The following PCDHA4 variants were observed in gnomAD, a reference collection of about 807,000 sequenced individuals.
PCDHA4 encodes the protein protocadherin alpha 4.
PCDHA4 carries 49 observed loss-of-function variants against 61.4 expected under a neutral mutation model. The observed-to-expected ratio is 0.80, with a 90% confidence interval of 0.63 to 1.01. PCDHA4 has a LOEUF of 1.01. Ranked by LOEUF, PCDHA4 falls within the 50% of genes least tolerant of loss-of-function variation. PCDHA4 has a pLI of 0.00. For missense variants in PCDHA4, 1,254 were observed against 1,235.8 expected (o/e 1.01, Z -0.22); for synonymous variants, 590 against 550.3 (o/e 1.07, Z -1.01).
In PCDHA4 at chr5:140,823,487, G is replaced by C. The variant is rs150930880; in HGVS notation, c.2385+13915G>C. The C allele has an allele frequency of 9.5e-5, 154 of 1,613,262 alleles. No homozygotes were observed. In the African/African-American group the frequency reaches 1.7e-3, roughly 18 times the overall value. On this transcript the variant is annotated intron_variant, in intron 1 of 3. Transcript: ENST00000530339. ...GCGCTGCTGGTGCCTCGAGTGGGTG[G>C]CACCGGCGGCGCAGTGAGCGAGCTG...
chr5:140,904,502 G>T (rs1554191560), intron 1 of PCDHA4, among the ~76,000 whole-genome samples: 2 of 151,770 alleles, frequency 1.3e-5, no homozygotes, highest in African/African-American at 4.8e-5. Flanking sequence ...TTTTACAATT[G>T]TGAATTGTGC....
At chr5:140,959,935 T>C (rs2095518080) in intron 1 of PCDHA4, among the ~76,000 whole-genome samples, 2 of 152,178 alleles carry the variant, frequency 1.3e-5, no homozygotes, top group African/African-American at 4.8e-5. Context: ...CCCCATTACT[T>C]AGGCAGAATA....
At chr5:140,836,095 G>C (rs2150252666) in intron 1 of PCDHA4, 6 of 1,613,694 alleles carry the variant, frequency 3.7e-6, no homozygotes, top group Non-Finnish European at 5.1e-6. Flanking sequence ...CCTCGGGTGG[G>C]TGGCACTGGT....
intron 1 of PCDHA4, among the ~76,000 whole-genome samples, chr5:140,903,450 T>A (rs2070311741): frequency 2.6e-5 from 4 of 152,202 alleles, no homozygotes; most frequent in Admixed American, 1.3e-4. Flanking sequence ...ATTCATCTGA[T>A]CAAACTTAAA....
chr5:140,862,825 C>G (rs782012901), intron 1 of PCDHA4: 2 of 572,056 alleles, frequency 3.5e-6, no homozygotes, highest in South Asian at 2.7e-5. Flanking sequence ...GGTGAGAGCG[C>G]GCGACGCGGG....
At chr5:140,928,307 C>T in intron 1 of PCDHA4, 1 of 1,614,150 alleles carries the variant, frequency 6.2e-7, no homozygotes, top group Non-Finnish European at 8.5e-7. Context: ...GCCCAGGACC[C>T]CGACCTGGGG....
rs554450758 is a variant in PCDHA4, at chr5:140,895,787, C to T, written c.2386-83162C>T. On this transcript the variant is annotated intron_variant, in intron 1 of 3. Coordinates refer to ENST00000530339, the MANE Select transcript of PCDHA4 (RefSeq NM_018907.4). ...TTTATGGCTGCATAGTATTCAATGA[C>T]GTATATGTACAATACTGTATTGTAT... 8.5e-5 allele frequency among the ~76,000 whole-genome samples: 13 copies of T among 152,124 alleles called. No homozygotes were observed. The South Asian group carries it at 2.1e-3, about 24-fold the overall frequency.
intron 1 of PCDHA4, chr5:140,966,488 C>T: frequency 2.3e-6 from 1 of 440,248 alleles, no homozygotes; most frequent in Non-Finnish European, 3.9e-6. Flanking sequence ...TTTCCCTCCC[C>T]CTGGAGCTGT....
At chr5:140,922,437 T>C (rs1462386336) in intron 1 of PCDHA4, among the ~76,000 whole-genome samples, 1 of 152,194 alleles carries the variant, frequency 6.6e-6, no homozygotes, top group African/African-American at 2.4e-5. Flanking sequence ...GGCAGAACTC[T>C]CTCATTATCC....
At chr5:140,968,756 G>T in intron 1 of PCDHA4, 1 of 1,614,202 alleles carries the variant, frequency 6.2e-7, no homozygotes, top group Non-Finnish European at 8.5e-7. Flanking sequence ...GGTGGTCCGA[G>T]ATAATGGAGA....
Position 140,809,492 on chromosome 5 carries a change from C to T in PCDHA4, c.2305C>T (p.Leu769Phe). ...TGGTGAGGGCCCACCCAAGACCGAC[C>T]TCATGGCCTTCAGCCCCAGTTTACC... ...CSGEGPPKTDLMAFSPSLPDS... is the reference protein window; with the variant it reads ...CSGEGPPKTDFMAFSPSLPDS... Residue 769 changes from leucine (L) to phenylalanine (F), a missense_variant, in exon 1 of 4, where the codon CTC (leucine) becomes TTC (phenylalanine). Physicochemically the swap from Leu to Phe is conservative, Grantham distance 22. Coordinates refer to ENST00000530339, the MANE Select transcript of PCDHA4 (RefSeq NM_018907.4). 1 of 1,614,240 alleles carries T rather than the reference C, an allele frequency of 6.2e-7. No homozygotes were observed. The highest frequency in any genetic ancestry group is 8.5e-7 in the Non-Finnish European group (1 of 1,180,042).
intron 1 of PCDHA4, among the ~76,000 whole-genome samples, chr5:140,902,368 A>G (rs1554190412): frequency 6.6e-6 from 1 of 151,696 alleles, no homozygotes; most frequent in Admixed American, 6.6e-5. Flanking sequence ...TCTCTTGTCT[A>G]ATTGCTCTAG....
In PCDHA4 at chr5:140,808,454, C is replaced by A. The variant is rs782570113; in HGVS notation, c.1267C>A (p.Leu423Met). ...CCGCGAGAGCGTGTCAGCCTATGAGCTGGTGGTGACCGCGCGAGACGGGGG... is the reference window on the plus strand; with the variant it reads ...CCGCGAGAGCGTGTCAGCCTATGAGATGGTGGTGACCGCGCGAGACGGGGG... The part of the protein sequence containing the change: ...LDRESVSAYE[L>M]VVTARDGGSP... Residue 423 changes from leucine to methionine, a missense_variant, in exon 1 of 4, where the codon CTG (leucine) becomes ATG (methionine). Leu to Met is a conservative substitution (Grantham distance 15). Coordinates refer to ENST00000530339, the MANE Select transcript of PCDHA4 (RefSeq NM_018907.4). 1.2e-6 allele frequency: 2 copies of A among 1,614,202 alleles called. No individual in the cohort carries two copies. Among genetic ancestry groups the A allele is most frequent in the Non-Finnish European group, 1.7e-6 (2 of 1,180,046 alleles).
rs1554263543 is a variant in PCDHA4, at chr5:141,011,545, G to A, written c.*1608G>A. 1 of 153,624 alleles carries A rather than the reference G, an allele frequency of 6.5e-6. No individual in the cohort carries two copies. Among genetic ancestry groups the A allele is most frequent in the Non-Finnish European group, 1.5e-5 (1 of 68,004 alleles). 9.5% of individuals were successfully genotyped at this position (153,624 alleles called of 1,614,324 possible). A position where few individuals can be genotyped will look rare whatever the true frequency, so the allele number is the denominator to read the frequency against. Reference sequence around the variant, plus strand: ...TTAACCATTGTTAATCAGCTTTTGTGTATGAAAGACACAGTAAAATTTCTT... The same window carrying A: ...TTAACCATTGTTAATCAGCTTTTGTATATGAAAGACACAGTAAAATTTCTT... On this transcript the variant is annotated 3_prime_UTR_variant, in exon 4 of 4. Coordinates refer to ENST00000530339, the MANE Select transcript of PCDHA4 (RefSeq NM_018907.4).
chr5:140,915,626 G>GTCCC (rs1554196996), intron 1 of PCDHA4, among the ~76,000 whole-genome samples: 2 of 146,436 alleles, frequency 1.4e-5, no homozygotes, highest in Non-Finnish European at 3.0e-5. Flanking sequence ...GTCTCTTTCT[G>GTCCC]TCTCTCTCTC....
intron 1 of PCDHA4, chr5:140,876,542 T>C (rs782388773): frequency 5.0e-6 from 8 of 1,614,194 alleles, no homozygotes; most frequent in Non-Finnish European, 5.9e-6. Flanking sequence ...TCACTGTCGC[T>C]CCCTGTGCAA....
chr5:140,823,264 C>T (rs1052475502), intron 1 of PCDHA4: 1 of 1,612,910 alleles, frequency 6.2e-7, no homozygotes, highest in Non-Finnish European at 8.5e-7. Flanking sequence ...GGTGGAGCGG[C>T]GGGTGGGCGA....
intron 1 of PCDHA4, chr5:140,863,620 A>G (rs2048096081): frequency 3.1e-6 from 1 of 322,758 alleles, no homozygotes; most frequent in Non-Finnish European, 6.1e-6. Context: ...CCTCATAGTG[A>G]CATTGATAAT....
At chr5:140,874,134 C>T (rs2054725501) in intron 1 of PCDHA4, among the ~76,000 whole-genome samples, 1 of 152,122 alleles carries the variant, frequency 6.6e-6, no homozygotes, top group African/African-American at 2.4e-5. Flanking sequence ...TTTAAGTTAT[C>T]TTATACTTGT....
Sources: gnomAD v4.1 joint callset for allele counts (sites outside exome capture counted in the v4.1 genomes callset) on GRCh38, gnomAD v4.1.1 for gene constraint, MANE v1.5 for transcripts, NCBI Gene and HGNC (gene_info 2026-07-23, HGNC 2026-07-21) for gene names.